SYNJ2: variants seen among roughly 807,000 people sequenced by gnomAD.
The protein encoded by SYNJ2 is polyphosphatidylinositol phosphatase SYNJ2.
A neutral mutation model predicts 141.3 loss-of-function variants in SYNJ2; 116 were observed. That is an observed-to-expected ratio of 0.82 (90% CI 0.71 to 0.96). The LOEUF (loss-of-function observed/expected upper bound fraction) is 0.96. Ranked by LOEUF, SYNJ2 falls within the 40% of genes least tolerant of loss-of-function variation. The pLI is 0.00. For missense variants in SYNJ2, 1,873 were observed against 1,934.8 expected (o/e 0.97, Z 0.60); for synonymous variants, 745 against 777.7 (o/e 0.96, Z 0.70).
chr6:158,042,504 G>A (rs116577263), intron 4 of SYNJ2, among the ~76,000 whole-genome samples: 4 of 152,226 alleles, frequency 2.6e-5, no homozygotes, highest in South Asian at 4.1e-4. Flanking sequence ...CTAGAGTTGC[G>A]CAGATAAAGG....
In SYNJ2 at chr6:158,017,237, A is replaced by G. The variant is rs1347734473; in HGVS notation, c.161A>G (p.Tyr54Cys). ...PEEKEVIKGQ[Y>C]GKLTDAYGCL... ...GAAAAGGAAGTCATTAAAGGACAGT[A>G]TGGCAAGCTCACGGACGCGTACGGC... is the stretch of plus-strand genomic sequence containing the variant. The change falls in exon 2 of 27, where the codon TAT becomes TGT. Residue 54 changes from tyrosine (Y) to cysteine (C), a missense_variant. Transcript: ENST00000355585. 10 of 1,613,184 alleles carry G rather than the reference A, an allele frequency of 6.2e-6. No homozygotes were observed. The highest frequency in any genetic ancestry group is 1.7e-5 in the Admixed American group (1 of 59,986).
At chr6:158,044,967 ATGT>A (rs1780156808) in intron 5 of SYNJ2, among the ~76,000 whole-genome samples, 1 of 152,130 alleles carries the variant, frequency 6.6e-6, no homozygotes, top group African/African-American at 2.4e-5. Context: ...CAGGGAGACC[ATGT>A]TGTGTTTCAT....
At chr6:158,090,147 G>C (rs1203542752) in intron 25 of SYNJ2, among the ~76,000 whole-genome samples, 200 bp downstream of exon 25, 1 of 152,122 alleles carries the variant, frequency 6.6e-6, no homozygotes, top group Non-Finnish European at 1.5e-5. Context: ...AAAATTCTGT[G>C]TGTATATAAA....
In SYNJ2 at chr6:158,027,359, C is replaced by A; in HGVS notation, c.215-1397C>A. On this transcript the variant is annotated intron_variant, in intron 2 of 26. Coordinates refer to ENST00000355585, the MANE Select transcript of SYNJ2 (RefSeq NM_003898.4). The surrounding 1 kb of genome is among the most constrained non-coding windows in gnomAD (Gnocchi z 4.6). ...AGTGTCCTTGGGACTAGAGCCCTGC[C>A]AGACCCCAAAGGCCGGTTTCTACCC... is the stretch of plus-strand genomic sequence containing the variant. The A allele has an allele frequency of 2.9e-6, 1 of 341,460 alleles. No homozygotes were observed. Among genetic ancestry groups the A allele is most frequent in the Non-Finnish European group, 4.1e-6 (1 of 241,048 alleles). 21.2% of individuals were successfully genotyped at this position (341,460 alleles called of 1,614,324 possible).
At position 158,055,503 on chromosome 6, in the gene SYNJ2, A is replaced by ATGTGTGTGTGTG. The variant is rs61172281; in HGVS notation, c.857+497_857+508dup. Among the ~76,000 whole-genome samples the ATGTGTGTGTGTG allele has an allele frequency of 2.9e-3, 427 of 147,864 alleles. 3 individuals are homozygous for ATGTGTGTGTGTG. The highest frequency in any genetic ancestry group is 0.01 in the African/African-American group (409 of 40,184). On this transcript the variant is annotated intron_variant, in intron 6 of 26. Transcript: ENST00000355585. ...TTCTAGAAAACAATTTTGGCATTTT[A>ATGTGTGTGTGTG]TGTGTGTGTGTGTGTGTGTGTGTGT...
rs1421912554 is a variant in SYNJ2 at position 158,066,434 on chromosome 6, C to G, written c.1526-10C>G. ...TGCAAAGAAATGTGCCTTTTTATGCCTCCTGACAGTGACTCCCAGGATCCT... is the reference window on the plus strand; with the variant it reads ...TGCAAAGAAATGTGCCTTTTTATGCGTCCTGACAGTGACTCCCAGGATCCT... On this transcript the variant is annotated splice_polypyrimidine_tract_variant and intron_variant, in intron 11 of 26. Transcript: ENST00000355585. The G allele has an allele frequency of 6.2e-7, 1 of 1,613,946 alleles. No individual in the cohort carries two copies. Among genetic ancestry groups the G allele is most frequent in the Non-Finnish European group, 8.5e-7 (1 of 1,179,864 alleles).
Position 158,062,160 on chromosome 6 carries a change from C to T in SYNJ2, c.1123C>T (p.Pro375Ser). 6.2e-7 allele frequency: 1 copy of T among 1,613,164 alleles called. No homozygotes were observed. ...GTTCACAAAGGGGGAGAACGTCAGT[C>T]CACGGTGAGGCTCGCTGCGCACTGT... ...DVFTKGENVSPRFQKGTLRMN... is the reference protein window; with the variant it reads ...DVFTKGENVSSRFQKGTLRMN... The change falls in exon 8 of 27, where the codon CCA (proline) becomes TCA (serine). Residue 375 changes from proline to serine, a missense_variant. Physicochemically the swap from Pro to Ser is moderately conservative, Grantham distance 74. Coordinates refer to ENST00000355585, the MANE Select transcript of SYNJ2 (RefSeq NM_003898.4).
At chr6:158,023,650 A>C (rs1778891935) in intron 2 of SYNJ2, among the ~76,000 whole-genome samples, 1 of 152,096 alleles carries the variant, frequency 6.6e-6, no homozygotes. Context: ...GTTAGGGTAG[A>C]GGGTAGGCCC....
intron 1 of SYNJ2, among the ~76,000 whole-genome samples, chr6:158,003,279 G>A (rs751146231): frequency 1.3e-5 from 2 of 152,222 alleles, no homozygotes; most frequent in Non-Finnish European, 2.9e-5. Flanking sequence ...GCGGGCTGAT[G>A]TGTGTCTGCC....
chr6:157,999,768 G>C (rs1464762173), intron 1 of SYNJ2, among the ~76,000 whole-genome samples: 2 of 152,350 alleles, frequency 1.3e-5, no homozygotes, highest in African/African-American at 4.8e-5. Flanking sequence ...AGGCATCCCG[G>C]GCAGGTAGTG....
chr6:158,050,956 G>A (rs1780533946), intron 5 of SYNJ2, among the ~76,000 whole-genome samples: 1 of 151,976 alleles, frequency 6.6e-6, no homozygotes, highest in African/African-American at 2.4e-5. Context: ...CTCGGAGGGC[G>A]CTCAGTAACT....
In SYNJ2 at chr6:158,012,942, C is replaced by G. The variant is rs370816303; in HGVS notation, c.128-4262C>G. 2.6e-4 allele frequency among the ~76,000 whole-genome samples: 40 copies of G among 152,330 alleles called. 1 individual carries two copies. In the East Asian group the frequency reaches 7.5e-3, roughly 29 times the overall value. On this transcript the variant is annotated intron_variant, in intron 1 of 26. Transcript: ENST00000355585. The stretch of plus-strand genomic sequence containing the variant: ...TAAGTTACTCTGCACTCTCCCTTCC[C>G]CAGAGAAAACCCAGTCAAATTCAAG...
chr6:158,066,368 A>G (rs1031269585), intron 11 of SYNJ2, 76 bp from the exon 12 acceptor site: 30 of 1,535,586 alleles, frequency 2.0e-5, no homozygotes, highest in Middle Eastern at 1.7e-4. Flanking sequence ...TCTGCCAGGC[A>G]GCCTCATCTG....
At chr6:157,992,276 GCTACCCTTC>G (rs1377115708) in intron 1 of SYNJ2, among the ~76,000 whole-genome samples, 2 of 151,610 alleles carry the variant, frequency 1.3e-5, no homozygotes, top group Non-Finnish European at 2.9e-5. Context: ...GACCCCCGCC[GCTACCCTTC>G]CTAGCCTCTG....
Position 158,023,934 on chromosome 6 carries a change from C to T in SYNJ2, c.215-4822C>T, listed in dbSNP as rs572649858. ...CTAACTCAGAAGGACTTTGAAGAAT[C>T]GAGTGACATTTCTACAATGAAGCCC... On this transcript the variant is annotated intron_variant, in intron 2 of 26. Transcript: ENST00000355585. Among the ~76,000 whole-genome samples the T allele has an allele frequency of 1.1e-4, 17 of 152,258 alleles. 1 individual carries two copies. The South Asian group carries it at 3.5e-3, about 32-fold the overall frequency.
Position 158,071,742 on chromosome 6 carries a change from A to G in SYNJ2, c.2081A>G (p.Lys694Arg), listed in dbSNP as rs145636503. 3.1e-5 allele frequency: 50 copies of G among 1,613,872 alleles called. No homozygotes were observed. The African/African-American group carries it at 6.1e-4, about 20-fold the overall frequency. ...CTGACGGCCGGGCAGTCCCAGGTGA[A>G]GGAGCGGAATGAAGACTACAAGGAG... is the stretch of plus-strand genomic sequence containing the variant. ...SHLTAGQSQV[K>R]ERNEDYKEIT... Residue 694 changes from lysine to arginine, a missense_variant, in exon 15 of 27, where the codon AAG (lysine) becomes AGG (arginine). By Grantham distance (26) the Lys-to-Arg change is conservative (BLOSUM62 2). Coordinates refer to ENST00000355585, the MANE Select transcript of SYNJ2 (RefSeq NM_003898.4). This position sits in a 1 kb window ranked among gnomAD's most constrained non-coding sequence, Gnocchi z 4.3.
In SYNJ2 at chr6:158,063,817, A is replaced by G. The variant is rs1317861741; in HGVS notation, c.1154A>G (p.Asn385Ser). 29 of 1,613,658 alleles carry G rather than the reference A, an allele frequency of 1.8e-5. No individual in the cohort carries two copies. In the East Asian group the frequency reaches 6.5e-4, roughly 36 times the overall value. ...PRFQKGTLRM[N>S]CLDCLDRTNT... is the part of the protein sequence containing the mutation. ...TTTCAGAAAGGCACTTTGCGGATGA[A>G]CTGTCTTGACTGCCTGGACCGAACC... Residue 385 changes from asparagine (N) to serine (S), a missense_variant, in exon 9 of 27, where the codon AAC becomes AGC. Physicochemically the swap from Asn to Ser is conservative, Grantham distance 46. Coordinates refer to ENST00000355585, the MANE Select transcript of SYNJ2 (RefSeq NM_003898.4).
rs562763723 is a variant in SYNJ2 at position 158,072,622 on chromosome 6, A to G, written c.2133+828A>G. Among the ~76,000 whole-genome samples the G allele has an allele frequency of 6.6e-5, 10 of 152,296 alleles. No homozygotes were observed. The South Asian group carries it at 2.1e-3, about 32-fold the overall frequency. On this transcript the variant is annotated intron_variant, in intron 15 of 26. Coordinates refer to ENST00000355585, the MANE Select transcript of SYNJ2 (RefSeq NM_003898.4). ...ACTGGGCTGCACGAGCACTCAAGGCAAAATTTCCTTAGTTTTCATTAAGAA... is the reference window on the plus strand; with the variant it reads ...ACTGGGCTGCACGAGCACTCAAGGCGAAATTTCCTTAGTTTTCATTAAGAA...
chr6:158,073,754 A>G (rs750115981), intron 15 of SYNJ2, among the ~76,000 whole-genome samples: 17 of 152,044 alleles, frequency 1.1e-4, no homozygotes, highest in Non-Finnish European at 4.4e-5. Flanking sequence ...TCTTCTGTCC[A>G]GATTATTGTC....
Sources: allele counts gnomAD v4.1 joint callset (sites outside exome capture counted in the v4.1 genomes callset), GRCh38; gene constraint gnomAD v4.1.1; non-coding constraint Gnocchi (gnomAD v3.1); transcripts MANE v1.5; gene names NCBI Gene and HGNC (gene_info 2026-07-23, HGNC 2026-07-21).